The following TACC2 variants were observed in gnomAD, a reference collection of about 807,000 sequenced individuals.
TACC2 encodes the protein transforming acidic coiled-coil-containing protein 2.
In TACC2, 137 loss-of-function variants were observed where a neutral mutation model predicts 227.3. The observed-to-expected ratio is 0.60, with a 90% CI of 0.52 to 0.69. The LOEUF (loss-of-function observed/expected upper bound fraction) is 0.69, where lower values mean the gene tolerates loss of function less well. TACC2 is among the 30% of genes least tolerant of loss of function. The pLI is 0.00. For missense variants in TACC2, 3,470 were observed against 3,694.4 expected, an observed-to-expected ratio of 0.94 and a Z score of 1.57; for synonymous variants, 1,523 against 1,487.5, an observed-to-expected ratio of 1.02 and a Z score of -0.55.
At chr10:122,004,353 G>A (rs547070817) in intron 1 of TACC2, among the ~76,000 whole-genome samples, 71 of 150,548 alleles carry the variant, frequency 4.7e-4, no homozygotes, top group Non-Finnish European at 8.6e-4. Flanking sequence ...AGACAAAATC[G>A]TGCTACTGCA....
Position 122,205,381 on chromosome 10 carries a change from C to A in TACC2, c.5972-5016C>A, listed in dbSNP as rs1252290362. 6.6e-6 allele frequency among the ~76,000 whole-genome samples: 1 copy of A among 152,176 alleles called. No homozygotes were observed. The highest frequency in any genetic ancestry group is 1.5e-5 in the Non-Finnish European group (1 of 68,034). On this transcript the variant is annotated intron_variant, in intron 8 of 22. Transcript: ENST00000369005. This position sits in a 1 kb window ranked among gnomAD's most constrained non-coding sequence, Gnocchi z 4.5. ...GGTTTCTTGAGCTGTCTGTTTTGGA[C>A]CACATCAGAGGAGGGTGGGCACCAA...
rs7092617 is a variant in TACC2, at chr10:122,251,573, G to A, written c.8781+1909G>A. Among the ~76,000 whole-genome samples, 242 of 152,252 alleles carry A rather than the reference G, an allele frequency of 1.6e-3. 1 individual carries two copies. The highest frequency in any genetic ancestry group is 5.6e-3 in the African/African-American group (231 of 41,540). The stretch of plus-strand genomic sequence containing the variant: ...CTAGAAGCCAGGCATGTTGGCATGC[G>A]ACTGTGGTCCCAGCTATTCGGGAGG... On this transcript the variant is annotated intron_variant, in intron 22 of 22. Coordinates refer to ENST00000369005, the MANE Select transcript of TACC2 (RefSeq NM_206862.4).
chr10:122,110,430 C>T (rs576541476), intron 5 of TACC2, among the ~76,000 whole-genome samples: 4 of 152,220 alleles, frequency 2.6e-5, no homozygotes, highest in South Asian at 2.1e-4. Context: ...GTGGGTTGGC[C>T]GAGAGTTTCT....
At chr10:122,027,693 C>T (rs1034308564) in intron 2 of TACC2, among the ~76,000 whole-genome samples, 2 of 151,670 alleles carry the variant, frequency 1.3e-5, no homozygotes, top group Non-Finnish European at 2.9e-5. Context: ...GCACCTATGA[C>T]GTTCCCTATT....
intron 3 of TACC2, among the ~76,000 whole-genome samples, chr10:122,056,941 C>T (rs990887560): frequency 2.0e-5 from 3 of 152,188 alleles, no homozygotes; most frequent in African/African-American, 7.2e-5. Flanking sequence ...CCTATAATCC[C>T]AGCACTTTGG....
intron 16 of TACC2, 111 bp downstream of exon 16, chr10:122,230,551 A>G (rs2095717639): frequency 3.1e-6 from 3 of 961,754 alleles, no homozygotes; most frequent in South Asian, 2.7e-5. Flanking sequence ...GGTGTCCAGC[A>G]AAGAGTCGTT....
At chr10:122,100,520 T>A (rs548361256) in intron 5 of TACC2, among the ~76,000 whole-genome samples, 21 of 149,582 alleles carry the variant, frequency 1.4e-4, no homozygotes, top group African/African-American at 5.2e-4. Flanking sequence ...ACCTCCTGGG[T>A]TCAAGCAGCT....
chr10:122,015,891 A>C (rs1365011313), intron 1 of TACC2, among the ~76,000 whole-genome samples: 1 of 151,622 alleles, frequency 6.6e-6, no homozygotes, highest in Non-Finnish European at 1.5e-5. Flanking sequence ...TTCCAAGGCC[A>C]TTCCCTCTGT....
rs1447130895 is a variant in TACC2 at position 122,226,384 on chromosome 10, A to G, written c.7627A>G (p.Lys2543Glu). 6.2e-7 allele frequency: 1 copy of G among 1,614,000 alleles called. No individual in the cohort carries two copies. The highest frequency in any genetic ancestry group is 8.5e-7 in the Non-Finnish European group (1 of 1,179,942). ...CCTGCAGCAGGACGACGATGCCCCG[A>G]AGAAGCAGGCCTTGTACCTTATGTT... ...SSLPQDDDAP[K>E]KQALYLMFDT... is the part of the protein sequence containing the mutation. The change falls in exon 13 of 23, where the codon AAG (lysine) becomes GAG (glutamate). Residue 2543 changes from lysine to glutamate, a missense_variant. Coordinates refer to ENST00000369005, the MANE Select transcript of TACC2 (RefSeq NM_206862.4).
rs779550947 is a variant in TACC2, at chr10:122,085,725, T to C, written c.3225T>C (p.Asp1075=). ...PASPGVTPTQ[D]APETEACDET... is the part of the protein sequence containing the mutation. ...GCCCCGGAGTCACACCCACCCAGGA[T>C]GCCCCAGAGACAGAGGCATGTGATG... Residue 1075 remains aspartate (D), a synonymous_variant, in exon 4 of 23, where the codon GAT becomes GAC. Transcript: ENST00000369005. 1 of 1,613,780 alleles carries C rather than the reference T, an allele frequency of 6.2e-7. No homozygotes were observed. The highest frequency in any genetic ancestry group is 1.1e-5 in the South Asian group (1 of 91,080).
chr10:122,124,171 C>T (rs2138532384), intron 5 of TACC2, among the ~76,000 whole-genome samples: 1 of 152,278 alleles, frequency 6.6e-6, no homozygotes, highest in East Asian at 1.9e-4. Flanking sequence ...GTTTTATGTG[C>T]AAGGCATGCA....
At chr10:122,156,078 C>T (rs1179785641) in intron 7 of TACC2, among the ~76,000 whole-genome samples, 2 of 151,394 alleles carry the variant, frequency 1.3e-5, no homozygotes, top group African/African-American at 4.9e-5. Context: ...ACCTTGTGAT[C>T]CGCCTGCCTC....
intron 11 of TACC2, among the ~76,000 whole-genome samples, chr10:122,223,598 G>A (rs972689558): frequency 6.6e-6 from 1 of 152,152 alleles, no homozygotes; most frequent in Admixed American, 6.5e-5. Flanking sequence ...GATTGTCCAC[G>A]TGTTTAAGTA....
chr10:122,199,913 C>T (rs2094721541), intron 8 of TACC2, among the ~76,000 whole-genome samples: 1 of 152,186 alleles, frequency 6.6e-6, no homozygotes, highest in African/African-American at 2.4e-5. Flanking sequence ...CGTAAGGGCA[C>T]TAATCCACTC....
In TACC2 at chr10:122,085,277, C is replaced by A. The variant is rs1048579150; in HGVS notation, c.2777C>A (p.Ser926Tyr). Reference protein sequence around the residue: ...SSPTDMVWESSLTEESELSAP... With the variant: ...SSPTDMVWESYLTEESELSAP... ...CCCACTGACATGGTTTGGGAGAGTT[C>A]TCTGACAGAAGAGTCAGAATTGTCA... The change falls in exon 4 of 23, where the codon TCT becomes TAT. Residue 926 changes from serine (S) to tyrosine (Y), a missense_variant. Physicochemically the swap from Ser to Tyr is moderately radical, Grantham distance 144. Around this residue, in one of 10 missense-constraint regions of TACC2, gnomAD observed 1,924 missense variants for 1,978.3 expected, o/e 0.97. Coordinates refer to ENST00000369005, the MANE Select transcript of TACC2 (RefSeq NM_206862.4). 9.9e-6 allele frequency: 16 copies of A among 1,613,974 alleles called. No homozygotes were observed. The African/African-American group carries it at 1.3e-4, about 13-fold the overall frequency.
chr10:122,206,146 C>G (rs2095099985), intron 8 of TACC2, among the ~76,000 whole-genome samples: 1 of 152,156 alleles, frequency 6.6e-6, no homozygotes, highest in Non-Finnish European at 1.5e-5. Flanking sequence ...GCAGCAAGTG[C>G]TTCTGTGAGA....
rs769100381 is a variant in TACC2, at chr10:122,229,298, T to A, written c.7897-48T>A. The A allele has an allele frequency of 1.1e-5, 18 of 1,610,082 alleles. No homozygotes were observed. The South Asian group carries it at 1.9e-4, about 17-fold the overall frequency. On this transcript the variant is annotated intron_variant, in intron 14 of 22. Coordinates refer to ENST00000369005, the MANE Select transcript of TACC2 (RefSeq NM_206862.4). ...CTTGCTTGGAATCAATATCACTCTCTGTTCTCCTCTATTTTTCTTGTGTGT... is the reference window on the plus strand; with the variant it reads ...CTTGCTTGGAATCAATATCACTCTCAGTTCTCCTCTATTTTTCTTGTGTGT...
At chr10:122,010,419 C>A (rs989557165) in intron 1 of TACC2, among the ~76,000 whole-genome samples, 3 of 152,126 alleles carry the variant, frequency 2.0e-5, no homozygotes, top group African/African-American at 4.8e-5. Flanking sequence ...GTAAGGGGAA[C>A]CTTATATTTT....
chr10:122,198,281 A>G (rs2140671392), intron 8 of TACC2, among the ~76,000 whole-genome samples: 1 of 152,216 alleles, frequency 6.6e-6, no homozygotes, highest in Middle Eastern at 3.4e-3. Flanking sequence ...ACCTGCTGCC[A>G]GCTGGGGCGG....
Sources: allele counts gnomAD v4.1 joint callset (sites outside exome capture counted in the v4.1 genomes callset), GRCh38; gene constraint gnomAD v4.1.1; regional missense constraint gnomAD v4.1.1; non-coding constraint Gnocchi (gnomAD v3.1); transcripts MANE v1.5; gene names NCBI Gene and HGNC (gene_info 2026-07-23, HGNC 2026-07-21).